The following TTC28 variants were observed in gnomAD, a reference collection of about 807,000 sequenced individuals.
The protein encoded by TTC28 is tetratricopeptide repeat protein 28.
In TTC28, 61 loss-of-function variants were observed where a neutral mutation model predicts 198.0. The observed-to-expected ratio is 0.31, with a 90% confidence interval of 0.25 to 0.38. The LOEUF (loss-of-function observed/expected upper bound fraction) is 0.38, where lower values mean the gene tolerates loss of function less well. TTC28 is among the 10% of genes least tolerant of loss of function. The pLI is 1.00. For missense variants in TTC28, 2,678 were observed against 3,164.0 expected, an observed-to-expected ratio of 0.85 and a Z score of 3.69; for synonymous variants, 1,171 against 1,297.8, an observed-to-expected ratio of 0.90 and a Z score of 2.10.
intron 2 of TTC28, among the ~76,000 whole-genome samples, chr22:28,494,003 G>A (rs2146350090): frequency 6.6e-6 from 1 of 152,312 alleles, no homozygotes; most frequent in South Asian, 2.1e-4. Context: ...GGTGAGAATG[G>A]AGAACCATTA....
intron 6 of TTC28, among the ~76,000 whole-genome samples, chr22:28,146,493 A>C (rs1943472985): frequency 1.3e-5 from 2 of 152,220 alleles, no homozygotes; most frequent in South Asian, 2.1e-4. Flanking sequence ...ATGGTGCCAC[A>C]AACTGGAGAA....
chr22:28,398,352 G>GGA (rs1278005834), intron 2 of TTC28, among the ~76,000 whole-genome samples: 2 of 152,154 alleles, frequency 1.3e-5, no homozygotes, highest in African/African-American at 4.8e-5. Context: ...AGATGGAGAG[G>GGA]GAGCCAGAAG....
At chr22:28,125,644 C>T (rs73427725) in intron 6 of TTC28, among the ~76,000 whole-genome samples, 1 of 152,280 alleles carries the variant, frequency 6.6e-6, no homozygotes, top group African/African-American at 2.4e-5. Flanking sequence ...ATTCATATTT[C>T]CTTTATGATG....
At chr22:28,498,242 GA>G (rs1427043773) in intron 2 of TTC28, among the ~76,000 whole-genome samples, 1 of 151,932 alleles carries the variant, frequency 6.6e-6, no homozygotes, top group Non-Finnish European at 1.5e-5. Context: ...ATAAAACAAC[GA>G]ACAGATCAAC....
At chr22:28,285,165 C>G (rs1027667160) in intron 5 of TTC28, among the ~76,000 whole-genome samples, 5 of 152,046 alleles carry the variant, frequency 3.3e-5, no homozygotes, top group Non-Finnish European at 5.9e-5. Context: ...CACATACATA[C>G]ACACACATAC....
intron 5 of TTC28, among the ~76,000 whole-genome samples, chr22:28,258,588 T>C (rs549819751): frequency 5.7e-4 from 86 of 152,154 alleles, no homozygotes; most frequent in African/African-American, 2.0e-3. Context: ...CGGCAAGTTA[T>C]CTGAACCCCA....
intron 2 of TTC28, among the ~76,000 whole-genome samples, chr22:28,580,997 G>A (rs985006826): frequency 6.6e-6 from 1 of 152,010 alleles, no homozygotes; most frequent in Non-Finnish European, 1.5e-5. Flanking sequence ...AAAAAATAAA[G>A]TAAAATTAAT....
intron 12 of TTC28, among the ~76,000 whole-genome samples, chr22:28,085,693 T>G (rs1265942744): frequency 6.6e-6 from 1 of 151,844 alleles, no homozygotes; most frequent in African/African-American, 2.4e-5. Flanking sequence ...GACTAAATGC[T>G]CCAATTAAAA....
intron 1 of TTC28, among the ~76,000 whole-genome samples, chr22:28,674,508 A>G (rs2051946148): frequency 6.6e-6 from 1 of 152,018 alleles, no homozygotes; most frequent in African/African-American, 2.4e-5. Flanking sequence ...ACATATGAGA[A>G]CCATAAGATG....
chr22:28,392,549 C>A (rs188611566), intron 2 of TTC28, among the ~76,000 whole-genome samples: 1 of 152,206 alleles, frequency 6.6e-6, no homozygotes, highest in South Asian at 2.1e-4. Flanking sequence ...TCCTGGTGCG[C>A]CATTTTTTAA....
chr22:28,523,608 C>A (rs191760451), intron 2 of TTC28, among the ~76,000 whole-genome samples: 14 of 152,254 alleles, frequency 9.2e-5, no homozygotes, highest in Non-Finnish European at 1.2e-4. Context: ...ATTGTCTCAA[C>A]AAGCCTCAAA....
At chr22:28,201,686 T>C (rs1409105291) in intron 5 of TTC28, among the ~76,000 whole-genome samples, 10 of 140,090 alleles carry the variant, frequency 7.1e-5, no homozygotes, top group African/African-American at 2.2e-4. Flanking sequence ...TATAAAAGAC[T>C]GAAATAAGCA....
At position 28,280,322 on chromosome 22, in the gene TTC28, TA is replaced by T. The variant is rs928705960; in HGVS notation, c.933+15875del. On this transcript the variant is annotated intron_variant, in intron 5 of 22. Transcript: ENST00000397906. ...TTTAAAAAATTAAAAAAGAAAAAAG[TA>T]AAAAAAAAAATTTTTTTTTTGAGAT... Among the ~76,000 whole-genome samples, 14 of 149,174 alleles carry T rather than the reference TA, an allele frequency of 9.4e-5. No individual in the cohort carries two copies. The East Asian group carries it at 1.6e-3, about 17-fold the overall frequency.
At chr22:28,342,645 G>T (rs1394905344) in intron 2 of TTC28, among the ~76,000 whole-genome samples, 2 of 152,118 alleles carry the variant, frequency 1.3e-5, no homozygotes, top group Non-Finnish European at 2.9e-5. Flanking sequence ...TATATGAAAT[G>T]CACATACATA....
intron 2 of TTC28, among the ~76,000 whole-genome samples, chr22:28,380,528 G>A (rs2046478545): frequency 6.6e-6 from 1 of 152,154 alleles, no homozygotes; most frequent in Non-Finnish European, 1.5e-5. Flanking sequence ...ACTGGTTTGT[G>A]TAATTCTTAT....
chr22:28,284,854 G>A (rs1001988892), intron 5 of TTC28, among the ~76,000 whole-genome samples: 2 of 152,204 alleles, frequency 1.3e-5, no homozygotes, highest in African/African-American at 4.8e-5. Flanking sequence ...ACAATTGTTT[G>A]CAAGGGTGTG....
chr22:28,316,424 G>A (rs574526738), intron 2 of TTC28, among the ~76,000 whole-genome samples: 201 of 152,200 alleles, frequency 1.3e-3, no homozygotes, highest in Middle Eastern at 3.4e-3. Flanking sequence ...GGCTATTTTA[G>A]TTTCTTTGCT....
At chr22:28,069,949 C>T (rs200512353) in intron 12 of TTC28, among the ~76,000 whole-genome samples, 10,056 of 151,808 alleles carry the variant, frequency 0.066, 384 homozygotes, top group South Asian at 0.088. Flanking sequence ...CACACACACA[C>T]ACACACACAC....
At chr22:28,367,728 C>A (rs988331148) in intron 2 of TTC28, among the ~76,000 whole-genome samples, 1 of 151,732 alleles carries the variant, frequency 6.6e-6, no homozygotes, top group Admixed American at 6.6e-5. Flanking sequence ...AATGAAAAAG[C>A]AGATACTACA....
Sources: gnomAD v4.1 joint callset for allele counts (sites outside exome capture counted in the v4.1 genomes callset) on GRCh38, gnomAD v4.1.1 for gene constraint, MANE v1.5 for transcripts, NCBI Gene and HGNC (gene_info 2026-07-23, HGNC 2026-07-21) for gene names.